The following CHML variants were observed in gnomAD, a reference collection of about 807,000 sequenced individuals.
CHML encodes the protein rab proteins geranylgeranyltransferase component A 2.
Under a neutral mutation model 30.4 loss-of-function variants are expected in CHML, and 20 were observed. That is an observed-to-expected ratio of 0.66 (90% CI 0.46 to 0.95). CHML has a LOEUF of 0.95. Ranked by LOEUF, CHML falls within the 40% of genes least tolerant of loss-of-function variation. The pLI, the probability that CHML is intolerant of heterozygous loss-of-function variation, is 0.00. For missense variants in CHML, 795 were observed against 768.5 expected (o/e 1.03, Z -0.41); for synonymous variants, 281 against 275.0 (o/e 1.02, Z -0.22).
rs1253072873 is a variant in CHML at position 241,629,746 on chromosome 1, G to C, written c.*4050C>G. The C allele has an allele frequency of 4.6e-5, 7 of 152,012 alleles. No individual in the cohort carries two copies. Among genetic ancestry groups the C allele is most frequent in the Non-Finnish European group, 8.8e-5 (6 of 67,920 alleles). 9.4% of individuals were successfully genotyped at this position (152,012 alleles called of 1,614,324 possible). A position where few individuals can be genotyped will look rare whatever the true frequency, so the allele number is the denominator to read the frequency against. On this transcript the variant is annotated 3_prime_UTR_variant, in exon 2 of 2. Transcript: ENST00000366553. ...CATTTGGAATATCACATGTAAAGTG[G>C]ATCTAATCTTTCCACACTGACATCT...
rs1421499238 is a variant in CHML at position 241,634,860 on chromosome 1, ATG to A, written c.905_906del (p.Thr302IlefsTer6). On this transcript the variant is annotated frameshift_variant, in exon 2 of 2. Transcript: ENST00000366553. LOFTEE classifies it high-confidence loss of function. ...GGATGTTGTTCATACTCTAAACAAA[ATG>A]TGAGAAATTTCATTAGCATCCTCTT... ...VEKRMLMKFL[T>X]FCLEYEQHPD... 1.2e-6 allele frequency: 2 copies of A among 1,609,792 alleles called. No individual in the cohort carries two copies. The highest frequency in any genetic ancestry group is 1.7e-6 in the Non-Finnish European group (2 of 1,178,426).
rs754137244 is a variant in CHML, at chr1:241,629,887, GT to G, written c.*3908del. 1 of 152,022 alleles carries G rather than the reference GT, an allele frequency of 6.6e-6. No homozygotes were observed. Among genetic ancestry groups the G allele is most frequent in the Non-Finnish European group, 1.5e-5 (1 of 67,924 alleles). 9.4% of individuals were successfully genotyped at this position (152,022 alleles called of 1,614,324 possible). On this transcript the variant is annotated 3_prime_UTR_variant, in exon 2 of 2. Coordinates refer to ENST00000366553, the MANE Select transcript of CHML (RefSeq NM_001381853.1). ...ATTCAGAAAGGTTGCTTAATAGCAT[GT>G]TTTAAGGATTTGGAGAGCAAGGCTC...
chr1:241,640,030 G>A lies in CHML; in HGVS notation c.-456C>T, dbSNP rs142966339. 3.0e-4 allele frequency: 476 copies of A among 1,613,356 alleles called. No homozygotes were observed. Among genetic ancestry groups the A allele is most frequent in the Non-Finnish European group, 4.0e-4 (468 of 1,179,694 alleles). On this transcript the variant is annotated 5_prime_UTR_variant, in exon 1 of 2. Coordinates refer to ENST00000366553, the MANE Select transcript of CHML (RefSeq NM_001381853.1). ...TGATGTTGACCAGGAGGAGGTGAGT[G>A]GGAGTGCGGAGCCGCTGGAACTTGT... is the stretch of plus-strand genomic sequence containing the variant.
Position 241,640,073 on chromosome 1 carries a change from A to G in CHML, c.-499T>C. ...GAACTTGTAGTAGAGGACGAGCACC[A>G]GCAGGTTGTTGCCGACGCCCAGCAG... On this transcript the variant is annotated 5_prime_UTR_variant, in exon 1 of 2. Coordinates refer to ENST00000366553, the MANE Select transcript of CHML (RefSeq NM_001381853.1). 6.2e-7 allele frequency: 1 copy of G among 1,611,284 alleles called. No homozygotes were observed. Among genetic ancestry groups the G allele is most frequent in the Non-Finnish European group, 8.5e-7 (1 of 1,179,016 alleles).
Position 241,635,098 on chromosome 1 carries a change from A to C in CHML, c.669T>G (p.Val223=). 6.2e-7 allele frequency: 1 copy of C among 1,612,844 alleles called. No homozygotes were observed. The highest frequency in any genetic ancestry group is 8.5e-7 in the Non-Finnish European group (1 of 1,179,874). ...CAATATTAAACCTCCTGCCTTCTTT[A>C]ACTATTTGAGAGTAAGTAATCCTAT... ...IRNRITYSQI[V]KEGRRFNIDL... Residue 223 remains valine (V), a synonymous_variant, in exon 2 of 2, where the codon GTT becomes GTG. Coordinates refer to ENST00000366553, the MANE Select transcript of CHML (RefSeq NM_001381853.1).
In CHML at chr1:241,635,696, G is replaced by A. The variant is rs137990597; in HGVS notation, c.71C>T (p.Ala24Val). The A allele has an allele frequency of 6.2e-7, 1 of 1,613,920 alleles. No homozygotes were observed. Among genetic ancestry groups the A allele is most frequent in the African/African-American group, 1.3e-5 (1 of 74,912 alleles). ...IGTGLPESILAAACSRSGQRV... is the reference protein window; with the variant it reads ...IGTGLPESILVAACSRSGQRV... ...CTGACCACTTCTTGAACATGCAGCT[G>A]CAAGGATGGATTCGGGCAAACCTGT... Residue 24 changes from alanine to valine, a missense_variant, in exon 2 of 2, where the codon GCA (alanine) becomes GTA (valine). Ala to Val is a moderately conservative substitution (Grantham distance 64, BLOSUM62 0). Transcript: ENST00000366553.
intron 1 of CHML, among the ~76,000 whole-genome samples, chr1:241,639,546 G>C (rs530427879): frequency 6.6e-6 from 1 of 151,892 alleles, no homozygotes; most frequent in African/African-American, 2.4e-5. Context: ...CCGTGGTTTC[G>C]TGCCTTGTTG....
Position 241,633,968 on chromosome 1 carries a change from A to G in CHML, c.1799T>C (p.Ile600Thr), listed in dbSNP as rs778050094. ...VKQAETLFQE[I>T]FPTEEFCPPP... The stretch of plus-strand genomic sequence containing the variant: ...AGGGCAGAATTCTTCAGTTGGAAAG[A>G]TCTCCTGGAAAAGTGTTTCAGCTTG... Residue 600 changes from isoleucine to threonine, a missense_variant, in exon 2 of 2, where the codon ATC (isoleucine) becomes ACC (threonine). By Grantham distance (89) the Ile-to-Thr change is moderately conservative. Coordinates refer to ENST00000366553, the MANE Select transcript of CHML (RefSeq NM_001381853.1). The G allele has an allele frequency of 5.6e-6, 9 of 1,613,808 alleles. No homozygotes were observed. The highest frequency in any genetic ancestry group is 1.1e-5 in the South Asian group (1 of 91,092).
In CHML at chr1:241,634,888, T is replaced by C. The variant is rs1664816616; in HGVS notation, c.879A>G (p.Glu293=). 6.2e-6 allele frequency: 10 copies of C among 1,610,372 alleles called. No individual in the cohort carries two copies. The highest frequency in any genetic ancestry group is 8.5e-6 in the Non-Finnish European group (10 of 1,178,792). Residue 293 remains glutamate, a synonymous_variant, in exon 2 of 2, where the codon GAA becomes GAG. Transcript: ENST00000366553. Reference sequence around the variant, plus strand: ...TGAGAAATTTCATTAGCATCCTCTTTTCAACCATGGTGAGTTCCTTGCTAT... The same window carrying C: ...TGAGAAATTTCATTAGCATCCTCTTCTCAACCATGGTGAGTTCCTTGCTAT... ...VFNSKELTMV[E]KRMLMKFLTF...
At position 241,629,043 on chromosome 1, in the gene CHML, C is replaced by CT. The variant is rs1338837618; in HGVS notation, c.*4752dup. 1.3e-5 allele frequency: 2 copies of CT among 152,654 alleles called. No individual in the cohort carries two copies. The highest frequency in any genetic ancestry group is 4.8e-5 in the African/African-American group (2 of 41,526). The allele number at this position is 152,654 out of a possible 1,614,324, so 9.5% of individuals were successfully genotyped here. On this transcript the variant is annotated 3_prime_UTR_variant, in exon 2 of 2. Transcript: ENST00000366553. ...TTCTTATTAACATTTTTGAATCTCA[C>CT]TTTTTTGCATACAATTTGACATATA...
chr1:241,639,958 G>A lies in CHML; in HGVS notation c.-384C>T, dbSNP rs1458655731. ...CCCAGCCGTTCCTCAGGCAGGACAC[G>A]AAGGTAAAGGTGACCCCGAAGAGGG... On this transcript the variant is annotated 5_prime_UTR_variant, in exon 1 of 2. Transcript: ENST00000366553. The A allele has an allele frequency of 1.2e-6, 2 of 1,611,118 alleles. No homozygotes were observed. The highest frequency in any genetic ancestry group is 8.5e-7 in the Non-Finnish European group (1 of 1,178,900).
In CHML at chr1:241,633,782, G is replaced by A. The variant is rs772627535; in HGVS notation, c.*14C>T. On this transcript the variant is annotated 3_prime_UTR_variant, in exon 2 of 2. Coordinates refer to ENST00000366553, the MANE Select transcript of CHML (RefSeq NM_001381853.1). ...TGAAGGAGGTCCAAAACAGCATTTC[G>A]AGATTGCTCTTTTCTAATTTTGAAG... 5.0e-6 allele frequency: 8 copies of A among 1,612,062 alleles called. No homozygotes were observed. Among genetic ancestry groups the A allele is most frequent in the East Asian group, 2.2e-5 (1 of 44,874 alleles).
In CHML at chr1:241,635,719, T is replaced by A; in HGVS notation, c.48A>T (p.Thr16=). 6.2e-7 allele frequency: 1 copy of A among 1,613,980 alleles called. No homozygotes were observed. The highest frequency in any genetic ancestry group is 8.5e-7 in the Non-Finnish European group (1 of 1,179,898). ...PTEFDVVIIG[T]GLPESILAAA... The stretch of plus-strand genomic sequence containing the variant: ...CTGCAAGGATGGATTCGGGCAAACC[T>A]GTCCCTATTATAACCACATCAAACT... Residue 16 remains threonine, a synonymous_variant, in exon 2 of 2, where the codon ACA becomes ACT. Coordinates refer to ENST00000366553, the MANE Select transcript of CHML (RefSeq NM_001381853.1).
In CHML at chr1:241,640,303, G is replaced by C. The variant is rs1198123889; in HGVS notation, c.-729C>G. On this transcript the variant is annotated 5_prime_UTR_variant, in exon 1 of 2. Coordinates refer to ENST00000366553, the MANE Select transcript of CHML (RefSeq NM_001381853.1). The stretch of plus-strand genomic sequence containing the variant: ...GGGCGGAGGCGCTCAGCTTGCGGCG[G>C]GGCTCGCGGCGCGCTCCGCACTGGG... The C allele has an allele frequency of 9.0e-7, 1 of 1,114,886 alleles. No individual in the cohort carries two copies. The highest frequency in any genetic ancestry group is 5.5e-5 in the East Asian group (1 of 18,136). The allele number at this position is 1,114,886 out of a possible 1,614,324, so 69.1% of individuals were successfully genotyped here.
intron 1 of CHML, among the ~76,000 whole-genome samples, chr1:241,637,251 G>A (rs1167688005): frequency 6.6e-6 from 1 of 152,128 alleles, no homozygotes; most frequent in East Asian, 1.9e-4. Context: ...CCTGGATACT[G>A]GAAAAACAAG....
At chr1:241,638,412 G>C (rs551085003) in intron 1 of CHML, among the ~76,000 whole-genome samples, 48 of 152,244 alleles carry the variant, frequency 3.2e-4, no homozygotes, top group African/African-American at 1.1e-3. Context: ...CACGAAAACA[G>C]AATTTTCCAG....
At chr1:241,638,479 T>C (rs1664988229) in intron 1 of CHML, among the ~76,000 whole-genome samples, 1 of 152,232 alleles carries the variant, frequency 6.6e-6, no homozygotes, top group African/African-American at 2.4e-5. Context: ...CAAACACCTG[T>C]TGACTACCCT....
In CHML at chr1:241,630,155, T is replaced by G. The variant is rs369233646; in HGVS notation, c.*3641A>C. On this transcript the variant is annotated 3_prime_UTR_variant, in exon 2 of 2. Coordinates refer to ENST00000366553, the MANE Select transcript of CHML (RefSeq NM_001381853.1). ...TATTTCTCTTCTGTAGATGGTGAAA[T>G]AGATACTAGGAGTGACTTTCCCAAG... The G allele has an allele frequency of 6.6e-6, 1 of 152,158 alleles. No homozygotes were observed. Among genetic ancestry groups the G allele is most frequent in the East Asian group, 1.9e-4 (1 of 5,172 alleles). 9.4% of individuals were successfully genotyped at this position (152,158 alleles called of 1,614,324 possible).
At chr1:241,636,938 T>C (rs879732983) in intron 1 of CHML, among the ~76,000 whole-genome samples, 1 of 140,450 alleles carries the variant, frequency 7.1e-6, no homozygotes, top group Non-Finnish European at 1.5e-5. Flanking sequence ...TTTGTTCTTA[T>C]TTTTGAAGGG....
Sources: allele counts gnomAD v4.1 joint callset (sites outside exome capture counted in the v4.1 genomes callset), GRCh38; gene constraint gnomAD v4.1.1; transcripts MANE v1.5; gene names NCBI Gene and HGNC (gene_info 2026-07-23, HGNC 2026-07-21).